The following TDG variants were observed in gnomAD, a reference collection of about 807,000 sequenced individuals.
TDG encodes G/T mismatch-specific thymine DNA glycosylase.
A neutral mutation model predicts 46.1 loss-of-function variants in TDG; 23 were observed. The ratio of observed to expected loss-of-function variants is 0.50; its 90% CI spans 0.36 to 0.71. The LOEUF is 0.71. Among genes scored for constraint, TDG ranks in the 30% least tolerant of loss-of-function variants. The probability of loss-of-function intolerance (pLI) is 0.00; values close to 1 mark genes in which losing one functional copy is unlikely to be tolerated. For synonymous variants in TDG, 115 were observed against 161.3 expected (o/e 0.71, Z 2.18); for missense variants, 304 against 486.7 (o/e 0.62, Z 3.53).
intron 8 of TDG, 56 bp from the exon 9 acceptor site, chr12:103,985,547 T>A (rs1872101842): frequency 4.5e-6 from 7 of 1,542,932 alleles, no homozygotes; most frequent in Non-Finnish European, 6.1e-6. Context: ...TGAATAAAGC[T>A]ACTTTTAAAA....
chr12:103,975,146 G>A (rs1259110959), intron 1 of TDG, among the ~76,000 whole-genome samples: 1 of 152,034 alleles, frequency 6.6e-6, no homozygotes, highest in Non-Finnish European at 1.5e-5. Flanking sequence ...TTACTTCTCT[G>A]GTTTTATGCT....
At position 103,978,643 on chromosome 12, in the gene TDG, T is replaced by C. The variant is rs78269480; in HGVS notation, c.167-1188T>C. 2.2e-3 allele frequency among the ~76,000 whole-genome samples: 330 copies of C among 152,258 alleles called. 2 individuals carry two copies. Among genetic ancestry groups the C allele is most frequent in the African/African-American group, 6.8e-3 (283 of 41,530 alleles). Reference sequence around the variant, plus strand: ...GGGGAAACGCCAAAGAGGAGTAGAATAGGGTAGAAGCCTGAGTAGTTAGGA... The same window carrying C: ...GGGGAAACGCCAAAGAGGAGTAGAACAGGGTAGAAGCCTGAGTAGTTAGGA... On this transcript the variant is annotated intron_variant, in intron 2 of 9. Coordinates refer to ENST00000392872, the MANE Select transcript of TDG (RefSeq NM_003211.6).
Position 103,977,023 on chromosome 12 carries a change from A to T in TDG, c.129A>T (p.Glu43Asp), listed in dbSNP as rs758991805. 1.9e-5 allele frequency: 30 copies of T among 1,613,596 alleles called. No individual in the cohort carries two copies. Among genetic ancestry groups the T allele is most frequent in the Non-Finnish European group, 2.5e-5 (30 of 1,179,914 alleles). Residue 43 changes from glutamate (E) to aspartate (D), a missense_variant, in exon 2 of 10, where the codon GAA (glutamate) becomes GAT (aspartate). Coordinates refer to ENST00000392872, the MANE Select transcript of TDG (RefSeq NM_003211.6). The part of the protein sequence containing the change: ...AVVNEQQMPE[E>D]VPAPAPAQEP... ...TGAATGAACAGCAAATGCCAGAAGA[A>T]GTTCCAGCCCCAGCTCCTGCTCAGG...
chr12:103,980,802 CA>C, intron 3 of TDG, 90 bp from the exon 4 acceptor site: 1 of 1,064,342 alleles, frequency 9.4e-7, no homozygotes, highest in Non-Finnish European at 1.4e-6. Context: ...GTATTTTAAT[CA>C]ACTCAATTTT....
intron 4 of TDG, 103 bp from the exon 5 acceptor site, chr12:103,982,696 T>G: frequency 8.4e-7 from 1 of 1,187,824 alleles, no homozygotes; most frequent in Admixed American, 2.3e-5. Flanking sequence ...GCCTCGGTGG[T>G]CGAGGCTGCA....
intron 1 of TDG, among the ~76,000 whole-genome samples, chr12:103,974,806 TA>T (rs1255361657): frequency 6.6e-6 from 1 of 151,610 alleles, no homozygotes; most frequent in Non-Finnish European, 1.5e-5. Context: ...CTGTCTCTAC[TA>T]AAAATATAAA....
At chr12:103,979,008 C>A (rs1284217483) in intron 2 of TDG, among the ~76,000 whole-genome samples, 1 of 152,118 alleles carries the variant, frequency 6.6e-6, no homozygotes, top group Non-Finnish European at 1.5e-5. Context: ...AGATGTCATC[C>A]TGGGCACCCC....
chr12:103,972,815 G>T, intron 1 of TDG: 4 of 460,128 alleles, frequency 8.7e-6, no homozygotes, highest in Non-Finnish European at 1.1e-5. Flanking sequence ...GTGATTTCTA[G>T]AATTTTGATT....
At chr12:103,974,283 G>GTTA (rs1351809020) in intron 1 of TDG, among the ~76,000 whole-genome samples, 3 of 150,868 alleles carry the variant, frequency 2.0e-5, no homozygotes, top group African/African-American at 7.3e-5. Context: ...TGTTGTTGTT[G>GTTA]TTGTTGTTAT....
At position 103,976,904 on chromosome 12, in the gene TDG, C is replaced by T. The variant is rs1871570449; in HGVS notation, c.24-14C>T. The stretch of plus-strand genomic sequence containing the variant: ...AATTTTATCATTACATCTCATGCTT[C>T]ATTATTCTTTCAGCTATTCCCTTCA... On this transcript the variant is annotated splice_polypyrimidine_tract_variant and intron_variant, in intron 1 of 9. Coordinates refer to ENST00000392872, the MANE Select transcript of TDG (RefSeq NM_003211.6). The T allele has an allele frequency of 6.2e-7, 1 of 1,611,934 alleles. No homozygotes were observed. Among genetic ancestry groups the T allele is most frequent in the Non-Finnish European group, 8.5e-7 (1 of 1,179,556 alleles).
intron 1 of TDG, among the ~76,000 whole-genome samples, chr12:103,976,354 C>G (rs1237329675): frequency 6.6e-6 from 1 of 151,686 alleles, no homozygotes; most frequent in East Asian, 1.9e-4. Flanking sequence ...TAACAGTGAA[C>G]CAAGATCACA....
intron 3 of TDG, chr12:103,980,312 A>C (rs1871761959): frequency 2.1e-6 from 1 of 486,380 alleles, no homozygotes; most frequent in Non-Finnish European, 3.5e-6. Context: ...AGTCTTATTA[A>C]CCTTTCTAAA....
At chr12:103,976,575 G>A (rs1301597891) in intron 1 of TDG, among the ~76,000 whole-genome samples, 3 of 152,232 alleles carry the variant, frequency 2.0e-5, no homozygotes, top group Non-Finnish European at 2.9e-5. Flanking sequence ...TCTTAACCCT[G>A]TATGGGTTGA....
intron 3 of TDG, chr12:103,980,500 G>A (rs181924888): frequency 1.3e-5 from 3 of 224,100 alleles, no homozygotes; most frequent in Admixed American, 1.0e-4. Context: ...ACATCAGCAT[G>A]TGAACAATTG....
intron 7 of TDG, 122 bp downstream of exon 7, chr12:103,983,511 A>G: frequency 1.6e-6 from 1 of 616,774 alleles, no homozygotes; most frequent in Non-Finnish European, 2.7e-6. Flanking sequence ...TATTTTGTTG[A>G]ATAATACCTA....
In TDG at chr12:103,987,282, A is replaced by C; in HGVS notation, c.*192A>C. 1 of 678,742 alleles carries C rather than the reference A, an allele frequency of 1.5e-6. No individual in the cohort carries two copies. Among genetic ancestry groups the C allele is most frequent in the Non-Finnish European group, 2.3e-6 (1 of 438,684 alleles). The allele number at this position is 678,742 out of a possible 1,614,324, so 42.0% of individuals were successfully genotyped here. A position where few individuals can be genotyped will look rare whatever the true frequency, so the allele number is the denominator to read the frequency against. ...TTGGAAGAAAAAGTAGGGTTTTTGT[A>C]TACTAGCTTTTGTATTTGAATTAAT... On this transcript the variant is annotated 3_prime_UTR_variant, in exon 10 of 10. Transcript: ENST00000392872.
At position 103,985,665 on chromosome 12, in the gene TDG, G is replaced by C. The variant is rs1290866092; in HGVS notation, c.1027G>C (p.Gly343Arg). 1.2e-6 allele frequency: 2 copies of C among 1,614,026 alleles called. No individual in the cohort carries two copies. The highest frequency in any genetic ancestry group is 2.7e-5 in the African/African-American group (2 of 74,956). The change falls in exon 9 of 10, where the codon GGT (glycine) becomes CGT (arginine). Residue 343 changes from glycine (G) to arginine (R), a missense_variant. By Grantham distance (125) the Gly-to-Arg change is moderately radical. Coordinates refer to ENST00000392872, the MANE Select transcript of TDG (RefSeq NM_003211.6). ...TGATCCAGGTTATGAGGCAGCATATGGTGGTGCTTACGGAGAAAATCCATG... is the reference window on the plus strand; with the variant it reads ...TGATCCAGGTTATGAGGCAGCATATCGTGGTGCTTACGGAGAAAATCCATG... ...KYDPGYEAAY[G>R]GAYGENPCSS... is the part of the protein sequence containing the mutation.
intron 1 of TDG, 92 bp from the exon 2 acceptor site, chr12:103,976,826 A>T: frequency 1.4e-6 from 2 of 1,459,688 alleles, no homozygotes; most frequent in Non-Finnish European, 1.9e-6. Flanking sequence ...CAAAATACTT[A>T]ATACTGTACT....
At chr12:103,982,046 A>G (rs1166302914) in intron 4 of TDG, among the ~76,000 whole-genome samples, 1 of 152,068 alleles carries the variant, frequency 6.6e-6, no homozygotes, top group Non-Finnish European at 1.5e-5. Flanking sequence ...ACAAAAAACA[A>G]GCGTAACTAC....
Sources: allele counts gnomAD v4.1 joint callset (sites outside exome capture counted in the v4.1 genomes callset), GRCh38; gene constraint gnomAD v4.1.1; transcripts MANE v1.5; gene names NCBI Gene and HGNC (gene_info 2026-07-23, HGNC 2026-07-21).